TECPR2: variants seen among roughly 807,000 people sequenced by gnomAD.
TECPR2 encodes tectonin beta-propeller repeat containing 2.
In TECPR2, 65 loss-of-function variants were observed where a neutral mutation model predicts 138.1. The observed-to-expected ratio is 0.47, with a 90% CI of 0.39 to 0.58. TECPR2 has a LOEUF of 0.58. Among genes scored for constraint, TECPR2 ranks in the 20% least tolerant of loss-of-function variants. The pLI is 0.00. For synonymous variants in TECPR2, 746 were observed against 749.8 expected, an observed-to-expected ratio of 0.99 and a Z score of 0.08; for missense variants, 1,553 against 1,824.5, an observed-to-expected ratio of 0.85 and a Z score of 2.71.
chr14:102,424,932 C>T, intron 5 of TECPR2, 47 bp from the exon 6 acceptor site: 1 of 1,533,450 alleles, frequency 6.5e-7, no homozygotes, highest in Admixed American at 2.0e-5. Context: ...TACTTTAAAT[C>T]AGTCCATGTC....
intron 17 of TECPR2, among the ~76,000 whole-genome samples, chr14:102,476,169 T>C (rs1364523049): frequency 7.8e-6 from 1 of 127,846 alleles, no homozygotes; most frequent in Non-Finnish European, 1.5e-5. Flanking sequence ...ATTGCACCAC[T>C]GCACTCCAGC....
intron 5 of TECPR2, among the ~76,000 whole-genome samples, chr14:102,422,660 CA>C (rs1889216717): frequency 6.6e-6 from 1 of 152,042 alleles, no homozygotes; most frequent in East Asian, 1.9e-4. Context: ...ATTAAACCAA[CA>C]AAAAAGTGAG....
intron 1 of TECPR2, 34 bp downstream of exon 1, chr14:102,363,150 C>T (rs1161544114): frequency 9.0e-6 from 3 of 334,908 alleles, no homozygotes; most frequent in Non-Finnish European, 1.6e-5. Flanking sequence ...GGCCCCGACG[C>T]CCCCGACGCC....
intron 2 of TECPR2, among the ~76,000 whole-genome samples, chr14:102,400,717 CA>C (rs1214025485): frequency 6.6e-6 from 1 of 152,068 alleles, no homozygotes; most frequent in African/African-American, 2.4e-5. Flanking sequence ...AAACTAGGGA[CA>C]AAAACCTTAA....
At chr14:102,401,671 G>T (rs977498999) in intron 2 of TECPR2, among the ~76,000 whole-genome samples, 1 of 151,546 alleles carries the variant, frequency 6.6e-6, no homozygotes, top group Non-Finnish European at 1.5e-5. Flanking sequence ...CATGCTTGGT[G>T]GTGGGTGCCT....
intron 17 of TECPR2, among the ~76,000 whole-genome samples, chr14:102,483,464 C>CA (rs10670060): frequency 6.6e-6 from 1 of 151,456 alleles, no homozygotes; most frequent in Non-Finnish European, 1.5e-5. Context: ...GTTTTTGAGA[C>CA]GGTCTCTCAC....
chr14:102,442,965 C>A (rs1376561177), intron 11 of TECPR2, among the ~76,000 whole-genome samples: 1 of 152,240 alleles, frequency 6.6e-6, no homozygotes, highest in Non-Finnish European at 1.5e-5. Context: ...TGAGCTTTGG[C>A]CTGCCACTGC....
chr14:102,453,779 A>G (rs1890211310), intron 16 of TECPR2, among the ~76,000 whole-genome samples: 1 of 150,654 alleles, frequency 6.6e-6, no homozygotes, highest in Admixed American at 6.6e-5. Flanking sequence ...CTTGAATTGT[A>G]TAAGCATTTA....
chr14:102,387,938 A>G (rs564795115), intron 2 of TECPR2, among the ~76,000 whole-genome samples: 2 of 152,350 alleles, frequency 1.3e-5, no homozygotes, highest in Non-Finnish European at 2.9e-5. Context: ...TCTGTATTCC[A>G]AGAAAACGGA....
At chr14:102,398,085 A>G (rs184196415) in intron 2 of TECPR2, among the ~76,000 whole-genome samples, 1,733 of 150,670 alleles carry the variant, frequency 0.012, 38 homozygotes, top group African/African-American at 0.04. Context: ...AAAAAAAAAA[A>G]AAAAAAGAAA....
intron 2 of TECPR2, among the ~76,000 whole-genome samples, chr14:102,396,429 T>G (rs1336837324): frequency 6.6e-6 from 1 of 152,194 alleles, no homozygotes; most frequent in East Asian, 1.9e-4. Context: ...CTCAGCATAT[T>G]CATACTTGAT....
chr14:102,440,225 A>G (rs553557507), intron 10 of TECPR2, among the ~76,000 whole-genome samples: 6 of 152,082 alleles, frequency 3.9e-5, no homozygotes, highest in Non-Finnish European at 8.8e-5. Flanking sequence ...AAGCTTGGAG[A>G]CGGGCGGTGA....
chr14:102,454,648 A>G (rs1413628699), intron 16 of TECPR2, among the ~76,000 whole-genome samples: 1 of 152,174 alleles, frequency 6.6e-6, no homozygotes, highest in Admixed American at 6.5e-5. Context: ...CAGAGACCCT[A>G]CTGGTCCTGA....
chr14:102,438,042 C>T lies in TECPR2; in HGVS notation c.2415C>T (p.Gly805=), dbSNP rs2139736255. The T allele has an allele frequency of 1.2e-6, 2 of 1,613,986 alleles. No individual in the cohort carries two copies. Among genetic ancestry groups the T allele is most frequent in the African/African-American group, 1.3e-5 (1 of 75,052 alleles). ...KPDQFAESWM[G]YSGPGYGILS... Reference sequence around the variant, plus strand: ...GTTAGTTTGCAGAAAGCTGGATGGGCTACTCGGGTCCCGGCTATGGCATCC... The same window carrying T: ...GTTAGTTTGCAGAAAGCTGGATGGGTTACTCGGGTCCCGGCTATGGCATCC... Residue 805 remains glycine, a synonymous_variant, in exon 10 of 20, where the codon GGC becomes GGT. Coordinates refer to ENST00000359520, the MANE Select transcript of TECPR2 (RefSeq NM_014844.5).
chr14:102,462,035 A>G (rs1339504235), intron 16 of TECPR2, among the ~76,000 whole-genome samples: 1 of 152,098 alleles, frequency 6.6e-6, no homozygotes, highest in African/African-American at 2.4e-5. Context: ...TATGCACTGG[A>G]AGTACATCAT....
At chr14:102,413,304 A>C (rs1888931839) in intron 4 of TECPR2, among the ~76,000 whole-genome samples, 2 of 151,586 alleles carry the variant, frequency 1.3e-5, no homozygotes, top group Admixed American at 1.3e-4. Context: ...TTCTGAAATA[A>C]TTGATGAAAC....
At chr14:102,488,347 T>A (rs1250593526) in intron 17 of TECPR2, among the ~76,000 whole-genome samples, 1 of 151,474 alleles carries the variant, frequency 6.6e-6, no homozygotes, top group Admixed American at 6.6e-5. Flanking sequence ...GAATTTTTTT[T>A]TATTTTTTTG....
intron 17 of TECPR2, among the ~76,000 whole-genome samples, chr14:102,478,949 G>A (rs148097186): frequency 0.01 from 1,517 of 151,130 alleles, 16 homozygotes; most frequent in Non-Finnish European, 0.012. Flanking sequence ...CCCAGGAGGC[G>A]GAGGTTGCAG....
At chr14:102,491,954 T>G (rs891566401) in intron 17 of TECPR2, among the ~76,000 whole-genome samples, 1 of 152,186 alleles carries the variant, frequency 6.6e-6, no homozygotes, top group Admixed American at 6.5e-5. Context: ...ATTAGAGGTG[T>G]CCAGGAGACA....
Sources: allele counts gnomAD v4.1 joint callset (sites outside exome capture counted in the v4.1 genomes callset), GRCh38; gene constraint gnomAD v4.1.1; transcripts MANE v1.5; gene names NCBI Gene and HGNC (gene_info 2026-07-23, HGNC 2026-07-21).